ASTN1: variants seen among roughly 807,000 people sequenced by gnomAD.
The protein encoded by ASTN1 is astrotactin-1.
ASTN1 carries 41 observed loss-of-function variants against 140.7 expected under a neutral mutation model. The observed-to-expected ratio is 0.29, with a 90% CI of 0.23 to 0.38. The LOEUF is 0.38. ASTN1 is among the 10% of genes least tolerant of loss of function. The pLI, the probability that ASTN1 is intolerant of heterozygous loss-of-function variation, is 1.00. For missense variants in ASTN1, 1,479 were observed against 1,678.8 expected, an observed-to-expected ratio of 0.88 and a Z score of 2.08; for synonymous variants, 640 against 652.2, an observed-to-expected ratio of 0.98 and a Z score of 0.29.
At chr1:177,033,120 AGTCTGT>A (rs1439227155) in intron 2 of ASTN1, among the ~76,000 whole-genome samples, 1 of 90,384 alleles carries the variant, frequency 1.1e-5, no homozygotes, top group East Asian at 6.0e-4. Flanking sequence ...TGAAGAAACA[AGTCTGT>A]GTGTGTGTGT....
In ASTN1 at chr1:177,162,742, A is replaced by G. The variant is rs116752381; in HGVS notation, c.283+1652T>C. On this transcript the variant is annotated intron_variant, in intron 1 of 22. Coordinates refer to ENST00000361833, the MANE Select transcript of ASTN1 (RefSeq NM_004319.3). The stretch of plus-strand genomic sequence containing the variant: ...TAATTCCCTCTACTCACTTTTATAT[A>G]CTATGATGAACAGATTGTACTTTGC... Among the ~76,000 whole-genome samples the G allele has an allele frequency of 5.6e-3, 858 of 152,306 alleles. 7 individuals carry two copies. Among genetic ancestry groups the G allele is most frequent in the Middle Eastern group, 0.01 (3 of 294 alleles).
At chr1:177,137,953 C>G (rs188226518) in intron 1 of ASTN1, among the ~76,000 whole-genome samples, 2 of 152,098 alleles carry the variant, frequency 1.3e-5, no homozygotes, top group African/African-American at 4.8e-5. Flanking sequence ...AAAATATCAG[C>G]ACTTAAAGGA....
At chr1:176,922,830 T>C (rs1670794754) in intron 16 of ASTN1, among the ~76,000 whole-genome samples, 1 of 152,200 alleles carries the variant, frequency 6.6e-6, no homozygotes, top group African/African-American at 2.4e-5. Flanking sequence ...TTTAAATTTT[T>C]ATCATTGCTG....
At chr1:177,093,810 T>G (rs1346877350) in intron 1 of ASTN1, among the ~76,000 whole-genome samples, 1 of 152,236 alleles carries the variant, frequency 6.6e-6, no homozygotes, top group Non-Finnish European at 1.5e-5. Flanking sequence ...ATTCAGAGTT[T>G]GTTTTTAAAA....
intron 8 of ASTN1, among the ~76,000 whole-genome samples, chr1:176,985,670 G>A (rs1158277229): frequency 6.6e-6 from 1 of 152,044 alleles, no homozygotes; most frequent in African/African-American, 2.4e-5. Flanking sequence ...TCTGCCCAAA[G>A]CTCCAGTCCC....
intron 1 of ASTN1, among the ~76,000 whole-genome samples, chr1:177,122,283 C>T (rs1681431703): frequency 6.6e-6 from 1 of 152,132 alleles, no homozygotes; most frequent in African/African-American, 2.4e-5. Flanking sequence ...GTGACAGGAG[C>T]CATGTCTTGC....
At chr1:177,011,215 G>T (rs1675274264) in intron 8 of ASTN1, among the ~76,000 whole-genome samples, 1 of 152,056 alleles carries the variant, frequency 6.6e-6, no homozygotes, top group South Asian at 2.1e-4. Context: ...TTGTTATCTG[G>T]CAAGTAGAAC....
intron 8 of ASTN1, among the ~76,000 whole-genome samples, chr1:176,971,668 C>A (rs1008357158): frequency 6.6e-6 from 1 of 152,152 alleles, no homozygotes; most frequent in Non-Finnish European, 1.5e-5. Flanking sequence ...CTGCACTTTC[C>A]TTTATATATA....
chr1:177,111,904 G>T (rs1053778004), intron 1 of ASTN1, among the ~76,000 whole-genome samples: 3 of 152,136 alleles, frequency 2.0e-5, no homozygotes, highest in African/African-American at 7.2e-5. Context: ...ACATCCACAG[G>T]GGTCGGCAAC....
chr1:177,123,371 A>G (rs901618817), intron 1 of ASTN1, among the ~76,000 whole-genome samples: 5 of 152,192 alleles, frequency 3.3e-5, no homozygotes, highest in African/African-American at 1.2e-4. Flanking sequence ...TTTTGCCCAC[A>G]CTAATGACAA....
At chr1:177,042,984 T>C (rs762042430) in intron 2 of ASTN1, among the ~76,000 whole-genome samples, 1 of 152,244 alleles carries the variant, frequency 6.6e-6, no homozygotes, top group African/African-American at 2.4e-5. Flanking sequence ...AGCTTGATCA[T>C]TGGATTGGCC....
At chr1:177,120,420 G>A (rs940146516) in intron 1 of ASTN1, among the ~76,000 whole-genome samples, 1 of 152,082 alleles carries the variant, frequency 6.6e-6, no homozygotes, top group African/African-American at 2.4e-5. Context: ...CATCCCAAAG[G>A]GGTTTTCTTC....
chr1:176,890,161 C>A (rs1364963103), intron 17 of ASTN1, among the ~76,000 whole-genome samples: 1 of 152,130 alleles, frequency 6.6e-6, no homozygotes, highest in African/African-American at 2.4e-5. Context: ...AGATGACAAA[C>A]AAACTAGCAA....
intron 16 of ASTN1, among the ~76,000 whole-genome samples, chr1:176,906,312 G>A (rs1303776319): frequency 1.3e-5 from 2 of 152,164 alleles, no homozygotes; most frequent in Admixed American, 6.5e-5. Flanking sequence ...TTTTCAGAGA[G>A]CAGAATTAGG....
intron 5 of ASTN1, among the ~76,000 whole-genome samples, chr1:177,028,332 C>G (rs936182116): frequency 4.6e-5 from 7 of 152,270 alleles, no homozygotes; most frequent in Middle Eastern, 6.8e-3. Context: ...AGACCCTAAT[C>G]CACATTCTCG....
chr1:177,002,992 GAACA>G (rs1288036165), intron 8 of ASTN1, among the ~76,000 whole-genome samples: 5 of 150,946 alleles, frequency 3.3e-5, no homozygotes, highest in Middle Eastern at 3.4e-3. Context: ...AGGCCAAAAC[GAACA>G]AACAAACAAA....
chr1:176,975,468 A>G (rs776396688), intron 8 of ASTN1, among the ~76,000 whole-genome samples: 2 of 152,256 alleles, frequency 1.3e-5, no homozygotes, highest in Non-Finnish European at 2.9e-5. Context: ...CAAAGGCAGC[A>G]TTGAGTCTAC....
intron 9 of ASTN1, 70 bp downstream of exon 9, chr1:176,965,093 A>T: frequency 6.9e-7 from 1 of 1,443,090 alleles, no homozygotes; most frequent in South Asian, 1.2e-5. Flanking sequence ...CAACTAGGAA[A>T]GTCAGTTCGG....
At chr1:176,938,275 T>C (rs1477938742) in intron 14 of ASTN1, among the ~76,000 whole-genome samples, 1 of 152,242 alleles carries the variant, frequency 6.6e-6, no homozygotes, top group Admixed American at 6.5e-5. Flanking sequence ...GTATATTTTA[T>C]TAGAGCATAA....
Sources: gnomAD v4.1 joint callset for allele counts (sites outside exome capture counted in the v4.1 genomes callset) on GRCh38, gnomAD v4.1.1 for gene constraint, MANE v1.5 for transcripts, NCBI Gene and HGNC (gene_info 2026-07-23, HGNC 2026-07-21) for gene names.